The following CDH12 variants were observed in gnomAD, a reference collection of about 807,000 sequenced individuals.
CDH12 encodes the protein cadherin 12.
Under a neutral mutation model 74.1 loss-of-function variants are expected in CDH12, and 41 were observed. That is an observed-to-expected ratio of 0.55 (90% CI 0.43 to 0.72). The LOEUF (loss-of-function observed/expected upper bound fraction) is 0.72. Among genes scored for constraint, CDH12 ranks in the 30% least tolerant of loss-of-function variants. The probability of loss-of-function intolerance (pLI) is 0.00; values close to 1 mark genes in which losing one functional copy is unlikely to be tolerated. For synonymous variants in CDH12, 399 were observed against 355.0 expected (o/e 1.12, Z -1.39); for missense variants, 945 against 977.2 (o/e 0.97, Z 0.44).
chr5:22,607,216 G>C (rs551584189), intron 1 of CDH12, among the ~76,000 whole-genome samples: 1 of 152,272 alleles, frequency 6.6e-6, no homozygotes, highest in South Asian at 2.1e-4. Context: ...GCAGAAATTT[G>C]CATAAGTAAT....
chr5:21,827,798 A>G (rs955773567), intron 8 of CDH12, among the ~76,000 whole-genome samples: 8 of 152,314 alleles, frequency 5.3e-5, no homozygotes, highest in Non-Finnish European at 1.0e-4. Flanking sequence ...TTATATAATC[A>G]CTATTCTTGT....
chr5:22,190,630 C>T (rs138401196), intron 4 of CDH12, among the ~76,000 whole-genome samples: 2,428 of 152,312 alleles, frequency 0.016, 36 homozygotes, highest in Middle Eastern at 0.051. Context: ...AGTTCCTCCT[C>T]TTATCTCTAC....
intron 1 of CDH12, among the ~76,000 whole-genome samples, chr5:22,658,719 C>T (rs114225125): frequency 0.015 from 2,208 of 152,174 alleles, 54 homozygotes; most frequent in African/African-American, 0.051. Flanking sequence ...GACTCTTTAT[C>T]GCCCAACCTC....
chr5:21,832,868 TG>T, intron 8 of CDH12, among the ~76,000 whole-genome samples: 2 of 45,168 alleles, frequency 4.4e-5, no homozygotes, highest in African/African-American at 2.9e-4. Context: ...ATATATCATA[TG>T]ATATATGATA....
intron 2 of CDH12, among the ~76,000 whole-genome samples, chr5:22,435,228 C>T (rs912707001): frequency 3.3e-5 from 5 of 152,018 alleles, no homozygotes; most frequent in African/African-American, 9.7e-5. Flanking sequence ...GGCTTAGCCT[C>T]CCAGGCTTCA....
At chr5:22,792,875 A>G (rs937707355) in intron 1 of CDH12, among the ~76,000 whole-genome samples, 9 of 152,194 alleles carry the variant, frequency 5.9e-5, no homozygotes, top group African/African-American at 2.2e-4. Flanking sequence ...CAGATTTTAT[A>G]TATTTATTTA....
At chr5:22,636,106 A>C (rs944531132) in intron 1 of CDH12, among the ~76,000 whole-genome samples, 7 of 152,142 alleles carry the variant, frequency 4.6e-5, no homozygotes, top group African/African-American at 1.7e-4. Flanking sequence ...CAACATCATT[A>C]ATTAGGTAAC....
chr5:22,284,773 C>T (rs2150409424), intron 3 of CDH12, among the ~76,000 whole-genome samples: 1 of 151,596 alleles, frequency 6.6e-6, no homozygotes, highest in African/African-American at 2.4e-5. Flanking sequence ...TTAGAGCCAC[C>T]CTGCCACAAC....
At chr5:22,260,664 T>C (rs898227991) in intron 3 of CDH12, among the ~76,000 whole-genome samples, 2 of 152,016 alleles carry the variant, frequency 1.3e-5, no homozygotes, top group African/African-American at 4.8e-5. Context: ...TTTCGGAGAT[T>C]AGATTTAAAC....
At chr5:22,712,881 T>A (rs1354736055) in intron 1 of CDH12, among the ~76,000 whole-genome samples, 3 of 152,230 alleles carry the variant, frequency 2.0e-5, no homozygotes, top group Middle Eastern at 6.8e-3. Context: ...TTGGAAGGAA[T>A]GAATATTGCC....
At chr5:22,839,065 G>A (rs1256286599) in intron 1 of CDH12, among the ~76,000 whole-genome samples, 1 of 152,074 alleles carries the variant, frequency 6.6e-6, no homozygotes, top group Non-Finnish European at 1.5e-5. Flanking sequence ...TTGTTAACAC[G>A]ATTATGTCTA....
At chr5:22,567,818 T>C (rs957292541) in intron 1 of CDH12, among the ~76,000 whole-genome samples, 3 of 152,230 alleles carry the variant, frequency 2.0e-5, no homozygotes, top group Non-Finnish European at 4.4e-5. Context: ...TGAACAGATG[T>C]AGATGTAGGA....
chr5:22,753,098 G>C (rs2127038368), intron 1 of CDH12, among the ~76,000 whole-genome samples: 1 of 152,148 alleles, frequency 6.6e-6, no homozygotes, highest in East Asian at 2.0e-4. Flanking sequence ...GAGAAAGAGC[G>C]AGGCATGTTA....
chr5:22,575,319 T>G (rs1249657947), intron 1 of CDH12, among the ~76,000 whole-genome samples: 1 of 152,172 alleles, frequency 6.6e-6, no homozygotes, highest in Non-Finnish European at 1.5e-5. Context: ...TTTCCATCCT[T>G]TCATAAAGCT....
chr5:22,285,059 GA>G (rs772123566), intron 3 of CDH12, among the ~76,000 whole-genome samples: 92 of 151,012 alleles, frequency 6.1e-4, no homozygotes, highest in Non-Finnish European at 1.0e-3. Flanking sequence ...CATGCATTGA[GA>G]AAGAAGTTAT....
intron 1 of CDH12, among the ~76,000 whole-genome samples, chr5:22,625,750 C>T (rs1416642456): frequency 3.3e-5 from 5 of 152,134 alleles, no homozygotes; most frequent in Admixed American, 2.0e-4. Flanking sequence ...AAGCAGGGTG[C>T]TTCCTGGAGG....
At chr5:22,592,902 C>T (rs775599331) in intron 1 of CDH12, among the ~76,000 whole-genome samples, 3 of 151,580 alleles carry the variant, frequency 2.0e-5, no homozygotes, top group East Asian at 1.9e-4. Context: ...TGGTGGCATG[C>T]GCCTGTAGTC....
At chr5:22,105,103 T>G (rs1472836511) in intron 4 of CDH12, among the ~76,000 whole-genome samples, 1 of 151,672 alleles carries the variant, frequency 6.6e-6, no homozygotes, top group Non-Finnish European at 1.5e-5. Context: ...TTTCTTTTCT[T>G]TTTTTTTGAG....
intron 2 of CDH12, among the ~76,000 whole-genome samples, chr5:22,450,484 A>G (rs527515299): frequency 1.3e-5 from 2 of 151,930 alleles, no homozygotes; most frequent in East Asian, 3.9e-4. Context: ...ATCTTTTATC[A>G]TTCATATTGA....
Sources: gnomAD v4.1 joint callset for allele counts (sites outside exome capture counted in the v4.1 genomes callset) on GRCh38, gnomAD v4.1.1 for gene constraint, MANE v1.5 for transcripts, NCBI Gene and HGNC (gene_info 2026-07-23, HGNC 2026-07-21) for gene names.